GRK1: variants seen among roughly 807,000 people sequenced by gnomAD.
GRK1 encodes the protein rhodopsin kinase GRK1.
In GRK1, 28 loss-of-function variants were observed where a neutral mutation model predicts 41.7. The observed-to-expected ratio is 0.67, with a 90% CI of 0.50 to 0.92. GRK1 has a LOEUF of 0.92. Among genes scored for constraint, GRK1 ranks in the 40% least tolerant of loss-of-function variants. The probability of loss-of-function intolerance (pLI) is 0.00; values close to 1 mark genes in which losing one functional copy is unlikely to be tolerated. For synonymous variants in GRK1, 327 were observed against 286.7 expected (o/e 1.14, Z -1.42); for missense variants, 703 against 671.2 (o/e 1.05, Z -0.52).
rs376528274 is a variant in GRK1 at position 113,733,573 on chromosome 13, A to G, written c.1396+488A>G. ...CGCGCACGTGTGTCCATGTATGTGT[A>G]TGTGTGTGCATACGTGTGTGTGCAT... On this transcript the variant is annotated intron_variant, in intron 6 of 6. Transcript: ENST00000335678. Among the ~76,000 whole-genome samples, 11 of 131,906 alleles carry G rather than the reference A, an allele frequency of 8.3e-5. No homozygotes were observed. In the East Asian group the frequency reaches 9.3e-4, roughly 11 times the overall value. 86.5% of individuals were successfully genotyped at this position (131,906 alleles called of 152,430 possible).
chr13:113,650,813 A>T, the GRK1 span, among the ~76,000 whole-genome samples: 5 of 152,108 alleles, frequency 3.3e-5, no homozygotes, highest in Non-Finnish European at 7.4e-5. The surrounding 1 kb of genome is among the most constrained non-coding windows in gnomAD (Gnocchi z 5.0). Flanking sequence ...ACTCGAGGGT[A>T]GCCACTGCTC....
chr13:113,732,138 G>C (rs923742950), intron 5 of GRK1, among the ~76,000 whole-genome samples: 1 of 152,214 alleles, frequency 6.6e-6, no homozygotes. Flanking sequence ...TTGGACGGAG[G>C]GGGTGGCCGC....
intron 4 of GRK1, among the ~76,000 whole-genome samples, chr13:113,730,869 TG>T (rs2049931907): frequency 6.6e-6 from 1 of 152,212 alleles, no homozygotes; most frequent in Non-Finnish European, 1.5e-5. Context: ...AGAATGATGT[TG>T]GATTCTCCCC....
chr13:113,730,280 G>T (rs2049926869), intron 4 of GRK1, among the ~76,000 whole-genome samples: 1 of 108,172 alleles, frequency 9.2e-6, no homozygotes, highest in Non-Finnish European at 1.8e-5. Context: ...CAGTCCCCCA[G>T]TCCCTGCGGC....
chr13:113,661,192 A>ATT, the GRK1 span, among the ~76,000 whole-genome samples: 3 of 152,178 alleles, frequency 2.0e-5, no homozygotes, highest in Non-Finnish European at 2.9e-5. Context: ...ATTAATAACA[A>ATT]AGATAACAGA....
chr13:113,664,060 TCTC>T (rs2049803823), upstream of GRK1, among the ~76,000 whole-genome samples: 2 of 152,226 alleles, frequency 1.3e-5, no homozygotes, highest in Middle Eastern at 3.4e-3. This position sits in a 1 kb window ranked among gnomAD's most constrained non-coding sequence, Gnocchi z 5.4. Flanking sequence ...ACTGTGGCAC[TCTC>T]CTCTGTGGAG....
In GRK1 at chr13:113,733,019, G is replaced by A; in HGVS notation, c.1330G>A (p.Glu444Lys). 2.0e-6 allele frequency: 3 copies of A among 1,537,126 alleles called. No individual in the cohort carries two copies. The highest frequency in any genetic ancestry group is 2.6e-6 in the Non-Finnish European group (3 of 1,146,918). Residue 444 changes from glutamate (E) to lysine (K), a missense_variant, in exon 6 of 7, where the codon GAG becomes AAG. By Grantham distance (56) the Glu-to-Lys change is moderately conservative. Transcript: ENST00000335678. ...GGAGAAGCGCCTGGGGTTCAGAGAT[G>A]AGACCTGCGACAAGCTCCGTGCCCA... ...DPEKRLGFRD[E>K]TCDKLRAHPL... is the part of the protein sequence containing the mutation.
intron 6 of GRK1, among the ~76,000 whole-genome samples, chr13:113,733,631 G>A (rs566624001): frequency 4.6e-5 from 7 of 150,838 alleles, no homozygotes; most frequent in Non-Finnish European, 1.0e-4. Flanking sequence ...GCATACGTGT[G>A]TGCTCATGTA....
chr13:113,665,524 G>GCA (rs2049812110), upstream of GRK1, among the ~76,000 whole-genome samples: 2 of 150,418 alleles, frequency 1.3e-5, no homozygotes, highest in Admixed American at 6.6e-5. Context: ...TGCCCCAGCT[G>GCA]TATCCCAGGT....
At chr13:113,657,960 T>G in the GRK1 span, 23 of 1,278,686 alleles carry the variant, frequency 1.8e-5, no homozygotes, top group East Asian at 2.5e-5. Flanking sequence ...CCCCTCCTCC[T>G]GAGCTCACCT....
chr13:113,652,561 C>A, the GRK1 span: 8 of 442,286 alleles, frequency 1.8e-5, no homozygotes, highest in East Asian at 3.9e-4. Flanking sequence ...ACTTGAGGCC[C>A]CTTTACCTGG....
chr13:113,724,095 C>A (rs1447361203), intron 4 of GRK1, among the ~76,000 whole-genome samples: 1 of 152,160 alleles, frequency 6.6e-6, no homozygotes, highest in African/African-American at 2.4e-5. Context: ...TCCCCCCAGG[C>A]AGGGAGGCTC....
the GRK1 span, chr13:113,649,273 G>A: frequency 7.1e-7 from 1 of 1,413,500 alleles, no homozygotes; most frequent in Non-Finnish European, 9.5e-7. The surrounding 1 kb of genome is among the most constrained non-coding windows in gnomAD (Gnocchi z 4.7). Flanking sequence ...AAACCACTTT[G>A]GGGATGATTT....
At chr13:113,651,157 T>C in the GRK1 span, among the ~76,000 whole-genome samples, 1 of 151,738 alleles carries the variant, frequency 6.6e-6, no homozygotes, top group Non-Finnish European at 1.5e-5. Flanking sequence ...TGCCTTTGGG[T>C]GTCATGGTGG....
In GRK1 at chr13:113,668,000, C is replaced by T. The variant is rs761138317; in HGVS notation, c.614C>T (p.Ser205Leu). 27 of 1,611,186 alleles carry T rather than the reference C, an allele frequency of 1.7e-5. No homozygotes were observed. The highest frequency in any genetic ancestry group is 3.3e-4 in the Middle Eastern group (2 of 6,076). ...GGGAAAGGGGGCTTCGGGGAGGTGTCGGCCTGCCAGATGAAGGCGACCGGC... is the reference window on the plus strand; with the variant it reads ...GGGAAAGGGGGCTTCGGGGAGGTGTTGGCCTGCCAGATGAAGGCGACCGGC... ...VLGKGGFGEV[S>L]ACQMKATGKL... is the part of the protein sequence containing the mutation. Residue 205 changes from serine (S) to leucine (L), a missense_variant, in exon 1 of 7, where the codon TCG (serine) becomes TTG (leucine). Coordinates refer to ENST00000335678, the MANE Select transcript of GRK1 (RefSeq NM_002929.3). This position sits in a 1 kb window ranked among gnomAD's most constrained non-coding sequence, Gnocchi z 7.5.
chr13:113,651,751 G>A, the GRK1 span: 3 of 1,611,836 alleles, frequency 1.9e-6, no homozygotes, highest in Admixed American at 5.0e-5. Context: ...GCTTGAGCGT[G>A]GCCGCTCCCC....
chr13:113,730,748 G>A (rs1373957649), intron 4 of GRK1, among the ~76,000 whole-genome samples: 1 of 152,254 alleles, frequency 6.6e-6, no homozygotes, highest in African/African-American at 2.4e-5. Flanking sequence ...CTGAGGAAAA[G>A]GAGAGTGACC....
upstream of GRK1, among the ~76,000 whole-genome samples, chr13:113,665,740 C>T (rs2049813733): frequency 6.6e-6 from 1 of 150,998 alleles, no homozygotes; most frequent in Admixed American, 6.6e-5. Context: ...CCAGCTGTCC[C>T]AGGTGTGTCC....
chr13:113,729,059 G>A (rs1277495930), intron 4 of GRK1, among the ~76,000 whole-genome samples: 1 of 152,200 alleles, frequency 6.6e-6, no homozygotes, highest in Non-Finnish European at 1.5e-5. Context: ...CTCAGAGTCA[G>A]GCCGCGGTGA....
Sources: allele counts gnomAD v4.1 joint callset (sites outside exome capture counted in the v4.1 genomes callset), GRCh38; gene constraint gnomAD v4.1.1; non-coding constraint Gnocchi (gnomAD v3.1); transcripts MANE v1.5; gene names NCBI Gene and HGNC (gene_info 2026-07-23, HGNC 2026-07-21).